PCLO: variants seen among roughly 807,000 people sequenced by gnomAD.
PCLO encodes protein piccolo.
In PCLO, 82 loss-of-function variants were observed where a neutral mutation model predicts 427.5. That is an observed-to-expected ratio of 0.19 (90% CI 0.16 to 0.23). PCLO has a LOEUF of 0.23. Among genes scored for constraint, PCLO ranks in the 10% least tolerant of loss-of-function variants. The pLI, the probability that PCLO is intolerant of heterozygous loss-of-function variation, is 1.00. For missense variants in PCLO, 6,239 were observed against 6,115.9 expected, an observed-to-expected ratio of 1.02 and a Z score of -0.67; for synonymous variants, 2,357 against 2,155.4, an observed-to-expected ratio of 1.09 and a Z score of -2.59.
intron 3 of PCLO, among the ~76,000 whole-genome samples, chr7:83,100,112 T>C (rs1432598853): frequency 6.6e-6 from 1 of 152,180 alleles, no homozygotes; most frequent in Non-Finnish European, 1.5e-5. Flanking sequence ...GTGTCAACAA[T>C]GTTGCTCAAT....
chr7:82,958,176 A>G (rs1450320570), intron 4 of PCLO, among the ~76,000 whole-genome samples: 1 of 152,080 alleles, frequency 6.6e-6, no homozygotes, highest in African/African-American at 2.4e-5. Context: ...CTAAGTCTGT[A>G]TCTTGTACTG....
chr7:82,804,606 C>T (rs6467913), intron 21 of PCLO, among the ~76,000 whole-genome samples: 1 of 151,914 alleles, frequency 6.6e-6, no homozygotes, highest in Non-Finnish European at 1.5e-5. Flanking sequence ...AGCTCTGCAA[C>T]GTGCCAGTTA....
At chr7:82,975,435 G>T (rs984723278) in intron 3 of PCLO, among the ~76,000 whole-genome samples, 1 of 152,136 alleles carries the variant, frequency 6.6e-6, no homozygotes, top group African/African-American at 2.4e-5. Flanking sequence ...AGACTAGGGA[G>T]TCTGAAATGC....
chr7:82,879,510 A>G, intron 9 of PCLO, 48 bp from the exon 10 acceptor site: 1 of 1,399,648 alleles, frequency 7.1e-7, no homozygotes, highest in Non-Finnish European at 9.8e-7. Flanking sequence ...AAGAAGGGAC[A>G]ATAGTTATCA....
intron 6 of PCLO, among the ~76,000 whole-genome samples, chr7:82,945,956 T>C (rs1422738093): frequency 6.6e-6 from 1 of 152,150 alleles, no homozygotes; most frequent in Non-Finnish European, 1.5e-5. Context: ...AATAAAAGGA[T>C]AAGAACTATG....
At position 82,915,991 on chromosome 7, in the gene PCLO, C is replaced by G. The variant is rs371947620; in HGVS notation, c.11995G>C (p.Val3999Leu). ...APVSTDNTFA[V>L]SHLGSKYNSL... Reference sequence around the variant, plus strand: ...TTGTACTTACTACCAAGATGGGAAACAGCAAATGTGTTATCCGTAGAAACA... The same window carrying G: ...TTGTACTTACTACCAAGATGGGAAAGAGCAAATGTGTTATCCGTAGAAACA... Residue 3999 changes from valine to leucine, a missense_variant, in exon 7 of 25, where the codon GTT (valine) becomes CTT (leucine). By Grantham distance (32) the Val-to-Leu change is conservative (BLOSUM62 1). Around this residue, in one of 5 missense-constraint regions of PCLO, gnomAD observed 680 missense variants for 677.3 expected, o/e 1.00. Transcript: ENST00000333891. 39 of 1,612,688 alleles carry G rather than the reference C, an allele frequency of 2.4e-5. No individual in the cohort carries two copies. The African/African-American group carries it at 4.9e-4, about 20-fold the overall frequency.
Position 82,914,824 on chromosome 7 carries a change from T to G in PCLO, c.13162A>C (p.Thr4388Pro). 3.7e-6 allele frequency: 6 copies of G among 1,613,528 alleles called. No individual in the cohort carries two copies. Among genetic ancestry groups the G allele is most frequent in the Non-Finnish European group, 4.2e-6 (5 of 1,179,706 alleles). The change falls in exon 7 of 25, where the codon ACC becomes CCC. Residue 4388 changes from threonine to proline, a missense_variant. This residue lies in a region of PCLO where 877 missense variants were observed against 925.5 expected (regional missense o/e 0.95). Transcript: ENST00000333891. Reference sequence around the variant, plus strand: ...TGGCTTGATCCAAACTGATCCCTGGTGTCTGCAGATATTGGTGGCAGGGGT... The same window carrying G: ...TGGCTTGATCCAAACTGATCCCTGGGGTCTGCAGATATTGGTGGCAGGGGT... Reference protein sequence around the residue: ...AGPLPPISADTRDQFGSSHSL... With the variant: ...AGPLPPISADPRDQFGSSHSL...
intron 6 of PCLO, among the ~76,000 whole-genome samples, chr7:82,918,032 T>G (rs960244957): frequency 6.6e-6 from 1 of 152,096 alleles, no homozygotes; most frequent in East Asian, 1.9e-4. Flanking sequence ...TTAATAGACA[T>G]CATAATATGA....
chr7:82,838,389 T>C lies in PCLO; in HGVS notation c.14098-47A>G, dbSNP rs540261397. 5.5e-6 allele frequency: 6 copies of C among 1,096,376 alleles called. No individual in the cohort carries two copies. The African/African-American group carries it at 6.5e-5, about 12-fold the overall frequency. 67.9% of individuals were successfully genotyped at this position (1,096,376 alleles called of 1,614,324 possible). A position where few individuals can be genotyped will look rare whatever the true frequency, so the allele number is the denominator to read the frequency against. On this transcript the variant is annotated intron_variant, in intron 14 of 24. Coordinates refer to ENST00000333891, the MANE Select transcript of PCLO (RefSeq NM_033026.6). The stretch of plus-strand genomic sequence containing the variant: ...TCCATAAGTTTTTAAAAGCATGTTA[T>C]ACATTATCATTCAATATTTACTAGT...
chr7:83,059,357 A>AAATATAT (rs1332566491), intron 3 of PCLO, among the ~76,000 whole-genome samples: 1 of 111,816 alleles, frequency 8.9e-6, no homozygotes, highest in Non-Finnish European at 1.7e-5. Context: ...ACACCTTTAA[A>AAATATAT]ATATATATAT....
At chr7:82,909,990 T>C (rs1298979254) in intron 7 of PCLO, among the ~76,000 whole-genome samples, 3 of 152,112 alleles carry the variant, frequency 2.0e-5, no homozygotes, top group African/African-American at 7.2e-5. Context: ...AGATATTCTA[T>C]AATGACTGAA....
At position 83,049,906 on chromosome 7, in the gene PCLO, G is replaced by A. The variant is rs76921921; in HGVS notation, c.3301-83419C>T. On this transcript the variant is annotated intron_variant, in intron 3 of 24. Coordinates refer to ENST00000333891, the MANE Select transcript of PCLO (RefSeq NM_033026.6). ...GATTTAACAAAATAAGATAAATTGAGGTTTCATCAGCTTATTATGAATAAA... is the reference window on the plus strand; with the variant it reads ...GATTTAACAAAATAAGATAAATTGAAGTTTCATCAGCTTATTATGAATAAA... 2.0e-3 allele frequency among the ~76,000 whole-genome samples: 303 copies of A among 151,926 alleles called. 5 individuals carry two copies. Among genetic ancestry groups the A allele is most frequent in the African/African-American group, 7.1e-3 (295 of 41,470 alleles).
intron 22 of PCLO, among the ~76,000 whole-genome samples, chr7:82,779,722 A>G (rs527354706): frequency 4.3e-5 from 6 of 139,402 alleles, no homozygotes; most frequent in Non-Finnish European, 7.8e-5. Flanking sequence ...TTTTTGCTCT[A>G]TATTTTTTTT....
intron 3 of PCLO, among the ~76,000 whole-genome samples, chr7:82,986,811 A>G (rs1796265973): frequency 6.6e-6 from 1 of 151,958 alleles, no homozygotes; most frequent in Admixed American, 6.6e-5. Context: ...ATGGGATATT[A>G]TATCAAATTA....
intron 6 of PCLO, among the ~76,000 whole-genome samples, chr7:82,919,959 A>G (rs999160290): frequency 2.0e-5 from 3 of 151,936 alleles, no homozygotes; most frequent in African/African-American, 4.8e-5. Context: ...AAATTTAAGC[A>G]TGTGTGTGAG....
At chr7:83,028,943 A>G (rs1788582561) in intron 3 of PCLO, among the ~76,000 whole-genome samples, 1 of 152,122 alleles carries the variant, frequency 6.6e-6, no homozygotes, top group Non-Finnish European at 1.5e-5. Flanking sequence ...CTTACACCTT[A>G]TACAAAAATC....
At chr7:83,084,781 AT>A in intron 3 of PCLO, among the ~76,000 whole-genome samples, 1 of 152,082 alleles carries the variant, frequency 6.6e-6, no homozygotes, top group Non-Finnish European at 1.5e-5. Flanking sequence ...TTTTGCACGT[AT>A]TCGAACGCTT....
At chr7:83,088,235 G>C (rs1383675285) in intron 3 of PCLO, among the ~76,000 whole-genome samples, 2 of 152,120 alleles carry the variant, frequency 1.3e-5, no homozygotes, top group African/African-American at 4.8e-5. Flanking sequence ...CCCAACAAAA[G>C]CAGGAGTTTA....
At chr7:82,789,504 G>T (rs2129468363) in intron 22 of PCLO, among the ~76,000 whole-genome samples, 1 of 152,202 alleles carries the variant, frequency 6.6e-6, no homozygotes, top group Admixed American at 6.5e-5. Context: ...TCAGGAGTTT[G>T]AGACCAGCCT....
Sources: allele counts gnomAD v4.1 joint callset (sites outside exome capture counted in the v4.1 genomes callset), GRCh38; gene constraint gnomAD v4.1.1; regional missense constraint gnomAD v4.1.1; transcripts MANE v1.5; gene names NCBI Gene and HGNC (gene_info 2026-07-23, HGNC 2026-07-21).